The following GTF2E2 variants were observed in gnomAD, a reference collection of about 807,000 sequenced individuals.
The protein encoded by GTF2E2 is transcription initiation factor IIE subunit beta.
Under a neutral mutation model 40.5 loss-of-function variants are expected in GTF2E2, and 21 were observed. That is an observed-to-expected ratio of 0.52 (90% CI 0.37 to 0.75). GTF2E2 has a LOEUF of 0.75. Among genes scored for constraint, GTF2E2 ranks in the 30% least tolerant of loss-of-function variants. GTF2E2 has a pLI of 0.00. For missense variants in GTF2E2, 298 were observed against 338.4 expected (o/e 0.88, Z 0.94); for synonymous variants, 117 against 121.6 (o/e 0.96, Z 0.25).
At chr8:30,636,872 A>G in intron 2 of GTF2E2, 1 of 365,812 alleles carries the variant, frequency 2.7e-6, no homozygotes. Context: ...AAAAAAAAAA[A>G]AAGAATGCCT....
In GTF2E2 at chr8:30,637,555, ACT is replaced by A. The variant is rs375396814; in HGVS notation, c.167-2434_167-2433del. 4.8e-3 allele frequency among the ~76,000 whole-genome samples: 724 copies of A among 152,076 alleles called. 4 individuals carry two copies. Among genetic ancestry groups the A allele is most frequent in the African/African-American group, 0.017 (695 of 41,494 alleles). On this transcript the variant is annotated intron_variant, in intron 2 of 7. Coordinates refer to ENST00000355904, the MANE Select transcript of GTF2E2 (RefSeq NM_002095.6). ...TTTATTTTATTTGAGATGGAGTCTC[ACT>A]CTGTCGCCCAGGCTGGAGAGCAGTG...
At chr8:30,635,202 G>A in intron 2 of GTF2E2, 79 bp from the exon 3 acceptor site, 3 of 758,310 alleles carry the variant, frequency 4.0e-6, no homozygotes, top group Non-Finnish European at 6.7e-6. Context: ...TTTTAATGCT[G>A]GTAACATATT....
At chr8:30,657,642 CT>C (rs373633302) in intron 1 of GTF2E2, 1 of 152,222 alleles carries the variant, frequency 6.6e-6, no homozygotes, top group African/African-American at 2.4e-5. Flanking sequence ...CAGTCTTGAG[CT>C]GGCTGGACCC....
chr8:30,627,448 CA>C lies in GTF2E2; in HGVS notation c.258+7583del, dbSNP rs71539905. On this transcript the variant is annotated intron_variant, in intron 3 of 7. Transcript: ENST00000355904. ...TCACGGCAAGGTTTTACCTCTCTTGCAAAAAAAAAAAAAAAAAAAAAAACTC... is the reference window on the plus strand; with the variant it reads ...TCACGGCAAGGTTTTACCTCTCTTGCAAAAAAAAAAAAAAAAAAAAAACTC... Among the ~76,000 whole-genome samples the C allele has an allele frequency of 9.7e-3, 626 of 64,770 alleles. 1 individual carries two copies. The highest frequency in any genetic ancestry group is 0.054 in the East Asian group (109 of 2,012). 42.5% of individuals were successfully genotyped at this position (64,770 alleles called of 152,430 possible).
chr8:30,638,735 CCTA>C (rs1801696925), intron 2 of GTF2E2: 1 of 152,458 alleles, frequency 6.6e-6, no homozygotes, highest in East Asian at 1.9e-4. Context: ...AAGCTTTGCT[CCTA>C]CTAAATATCA....
intron 6 of GTF2E2, among the ~76,000 whole-genome samples, chr8:30,605,098 C>G (rs767579692): frequency 6.6e-6 from 1 of 152,178 alleles, no homozygotes; most frequent in Non-Finnish European, 1.5e-5. Flanking sequence ...TACACTCTTA[C>G]AGAGCTACTG....
intron 3 of GTF2E2, among the ~76,000 whole-genome samples, chr8:30,619,450 A>G (rs1056062873): frequency 4.7e-5 from 7 of 149,516 alleles, no homozygotes; most frequent in Admixed American, 2.0e-4. Context: ...GTGCAATGGC[A>G]TGATCTCGGC....
intron 6 of GTF2E2, among the ~76,000 whole-genome samples, chr8:30,586,837 C>T (rs960145837): frequency 1.4e-4 from 21 of 152,200 alleles, no homozygotes; most frequent in Non-Finnish European, 2.4e-4. Context: ...CACTGTCTCA[C>T]ACCATATAGA....
At chr8:30,612,107 TAC>T (rs1829491510) in intron 5 of GTF2E2, among the ~76,000 whole-genome samples, 190 bp downstream of exon 5, 1 of 152,192 alleles carries the variant, frequency 6.6e-6, no homozygotes, top group African/African-American at 2.4e-5. Flanking sequence ...CCGTCAAAGT[TAC>T]ACAGAGATGG....
intron 6 of GTF2E2, among the ~76,000 whole-genome samples, chr8:30,588,745 G>T (rs1466913460): frequency 6.6e-6 from 1 of 152,178 alleles, no homozygotes; most frequent in African/African-American, 2.4e-5. Flanking sequence ...CACAAGCCAA[G>T]AAATTCGGGT....
intron 7 of GTF2E2, among the ~76,000 whole-genome samples, chr8:30,579,799 AT>A (rs1182858867): frequency 2.6e-5 from 4 of 152,166 alleles, no homozygotes; most frequent in African/African-American, 2.4e-5. Context: ...AATTACTAAC[AT>A]CCCCTGTGAG....
chr8:30,614,218 C>CA (rs1358804810), intron 4 of GTF2E2, among the ~76,000 whole-genome samples: 1 of 152,028 alleles, frequency 6.6e-6, no homozygotes, highest in Non-Finnish European at 1.5e-5. Context: ...TGTGTACATT[C>CA]AAAAAACAAA....
intron 6 of GTF2E2, among the ~76,000 whole-genome samples, chr8:30,599,128 G>A (rs2979525): frequency 0.042 from 6,409 of 152,266 alleles, 207 homozygotes; most frequent in African/African-American, 0.086. Flanking sequence ...TTACTGTGGA[G>A]GTATAAATTG....
intron 5 of GTF2E2, among the ~76,000 whole-genome samples, chr8:30,609,797 G>A (rs946745226): frequency 2.6e-5 from 4 of 152,168 alleles, no homozygotes; most frequent in African/African-American, 9.7e-5. Context: ...TCTTGGTGCT[G>A]TTCTCCTGAT....
At chr8:30,623,800 T>C (rs1801184785) in intron 3 of GTF2E2, among the ~76,000 whole-genome samples, 1 of 152,168 alleles carries the variant, frequency 6.6e-6, no homozygotes. Flanking sequence ...GTCTGTTGGC[T>C]GCATAAATGT....
chr8:30,591,208 G>A lies in GTF2E2; in HGVS notation c.644-10812C>T, dbSNP rs1181973206. ...GCCAAATGAAATATACAGATGGACCGGATGTGGTGGTTCACACCTATAATT... is the reference window on the plus strand; with the variant it reads ...GCCAAATGAAATATACAGATGGACCAGATGTGGTGGTTCACACCTATAATT... On this transcript the variant is annotated intron_variant, in intron 6 of 7. Coordinates refer to ENST00000355904, the MANE Select transcript of GTF2E2 (RefSeq NM_002095.6). 3.3e-5 allele frequency among the ~76,000 whole-genome samples: 5 copies of A among 152,278 alleles called. No individual in the cohort carries two copies. In the South Asian group the frequency reaches 6.2e-4, roughly 19 times the overall value.
At position 30,622,398 on chromosome 8, in the gene GTF2E2, T is replaced by C. The variant is rs540825229; in HGVS notation, c.259-7683A>G. 4.0e-5 allele frequency among the ~76,000 whole-genome samples: 6 copies of C among 151,290 alleles called. No individual in the cohort carries two copies. The South Asian group carries it at 8.5e-4, about 21-fold the overall frequency. ...TTCAAAAGGGGAGGGAGTGTACAAA[T>C]AGGGTGTGGGTCACAGAGATCATGT... On this transcript the variant is annotated intron_variant, in intron 3 of 7. Coordinates refer to ENST00000355904, the MANE Select transcript of GTF2E2 (RefSeq NM_002095.6).
At chr8:30,634,358 G>C (rs1177172068) in intron 3 of GTF2E2, among the ~76,000 whole-genome samples, 2 of 152,086 alleles carry the variant, frequency 1.3e-5, no homozygotes, top group Non-Finnish European at 2.9e-5. Flanking sequence ...TGAGGCAGGA[G>C]GATCACTTGA....
chr8:30,609,046 G>A (rs966977710), intron 5 of GTF2E2, among the ~76,000 whole-genome samples: 3 of 152,094 alleles, frequency 2.0e-5, no homozygotes, highest in African/African-American at 4.8e-5. Context: ...ACTGCACTCG[G>A]CCGAGGTCAG....
Sources: gnomAD v4.1 joint callset for allele counts (sites outside exome capture counted in the v4.1 genomes callset) on GRCh38, gnomAD v4.1.1 for gene constraint, MANE v1.5 for transcripts, NCBI Gene and HGNC (gene_info 2026-07-23, HGNC 2026-07-21) for gene names.